Variants in VAT1L observed in about 807,000 individuals in gnomAD.
VAT1L encodes the protein putative NADPH-dependent quinone oxidoreductase VAT1L.
Under a neutral mutation model 44.1 loss-of-function variants are expected in VAT1L, and 34 were observed. The observed-to-expected ratio is 0.77, with a 90% CI of 0.59 to 1.03. The LOEUF (loss-of-function observed/expected upper bound fraction) is 1.03, where lower values mean the gene tolerates loss of function less well. VAT1L is among the 50% of genes least tolerant of loss of function. The pLI is 0.00. For missense variants in VAT1L, 615 were observed against 538.8 expected, an observed-to-expected ratio of 1.14 and a Z score of -1.40; for synonymous variants, 253 against 202.2, an observed-to-expected ratio of 1.25 and a Z score of -2.13.
intron 7 of VAT1L, among the ~76,000 whole-genome samples, chr16:77,969,861 G>T (rs1200924570): frequency 2.0e-5 from 3 of 151,854 alleles, no homozygotes; most frequent in Admixed American, 6.6e-5. Context: ...AAAATAAAAG[G>T]AATCTACTGA....
chr16:77,947,593 C>T (rs1348520899), intron 7 of VAT1L, among the ~76,000 whole-genome samples: 2 of 152,112 alleles, frequency 1.3e-5, no homozygotes, highest in Non-Finnish European at 2.9e-5. Context: ...CCCTCCTGCT[C>T]ACATAAGAGG....
chr16:77,925,836 T>G (rs1597101925), intron 7 of VAT1L, among the ~76,000 whole-genome samples: 1 of 151,866 alleles, frequency 6.6e-6, no homozygotes. Flanking sequence ...TTCCTTTAAT[T>G]CCCCCCACCT....
At chr16:77,831,425 T>C (rs1417670835) in intron 3 of VAT1L, among the ~76,000 whole-genome samples, 1 of 152,176 alleles carries the variant, frequency 6.6e-6, no homozygotes. Flanking sequence ...CCTGGCCAAA[T>C]ATTTGATGCA....
chr16:77,920,291 G>A (rs557962916), intron 7 of VAT1L, among the ~76,000 whole-genome samples: 4 of 152,184 alleles, frequency 2.6e-5, no homozygotes, highest in South Asian at 2.1e-4. Context: ...TGTGAGTTAC[G>A]AATGTTCAAA....
chr16:77,832,456 C>G (rs578196789), intron 3 of VAT1L, among the ~76,000 whole-genome samples: 1 of 152,126 alleles, frequency 6.6e-6, no homozygotes, highest in Non-Finnish European at 1.5e-5. Flanking sequence ...CTAGTCTGGT[C>G]CCAATTGCAA....
At chr16:77,965,032 C>A (rs369805043) in intron 7 of VAT1L, among the ~76,000 whole-genome samples, 138 of 152,108 alleles carry the variant, frequency 9.1e-4, no homozygotes, top group Non-Finnish European at 1.7e-3. Context: ...TCAGGTGATT[C>A]GCCCGCCTGG....
chr16:77,853,610 C>G (rs1383254839), intron 3 of VAT1L, among the ~76,000 whole-genome samples: 1 of 151,968 alleles, frequency 6.6e-6, no homozygotes, highest in African/African-American at 2.4e-5. Context: ...ATCAGAATCC[C>G]CTAGAGGGCC....
Position 77,939,758 on chromosome 16 carries a change from A to T in VAT1L, c.1078-32092A>T, listed in dbSNP as rs370972586. Among the ~76,000 whole-genome samples, 37 of 152,330 alleles carry T rather than the reference A, an allele frequency of 2.4e-4. 1 individual carries two copies. Among genetic ancestry groups the T allele is most frequent in the African/African-American group, 8.9e-4 (37 of 41,578 alleles). On this transcript the variant is annotated intron_variant, in intron 7 of 8. Coordinates refer to ENST00000302536, the MANE Select transcript of VAT1L (RefSeq NM_020927.3). Reference sequence around the variant, plus strand: ...ATTCCTGCACTCAATTTATTGTCTTATATCTTGAGGTTTATTTTTCCTAAT... The same window carrying T: ...ATTCCTGCACTCAATTTATTGTCTTTTATCTTGAGGTTTATTTTTCCTAAT...
chr16:77,964,672 G>A (rs986188622), intron 7 of VAT1L, among the ~76,000 whole-genome samples: 2 of 151,854 alleles, frequency 1.3e-5, no homozygotes, highest in Admixed American at 6.6e-5. Flanking sequence ...GGAGTGTGAG[G>A]TCATTCTGTC....
chr16:77,827,271 C>A (rs1428627890), intron 3 of VAT1L, among the ~76,000 whole-genome samples: 1 of 152,198 alleles, frequency 6.6e-6, no homozygotes, highest in African/African-American at 2.4e-5. Context: ...GTATTAGAGA[C>A]TTGTAGTCAT....
intron 4 of VAT1L, among the ~76,000 whole-genome samples, chr16:77,875,962 C>A (rs543630654): frequency 6.6e-6 from 1 of 152,228 alleles, no homozygotes; most frequent in Non-Finnish European, 1.5e-5. Context: ...TTGCTCTACA[C>A]ATAGGAGTTG....
chr16:77,965,630 T>G (rs1211990555), intron 7 of VAT1L, among the ~76,000 whole-genome samples: 1 of 152,144 alleles, frequency 6.6e-6, no homozygotes, highest in Non-Finnish European at 1.5e-5. Context: ...CAGCTGGCCG[T>G]GGCATCCCAG....
At chr16:77,878,704 C>T (rs1343286315) in intron 5 of VAT1L, among the ~76,000 whole-genome samples, 4 of 152,038 alleles carry the variant, frequency 2.6e-5, no homozygotes, top group African/African-American at 4.8e-5. Flanking sequence ...TTTTTCCAAT[C>T]CATCTATATT....
intron 1 of VAT1L, among the ~76,000 whole-genome samples, chr16:77,790,706 A>T (rs2015818806): frequency 6.6e-6 from 1 of 152,178 alleles, no homozygotes; most frequent in Admixed American, 6.5e-5. Flanking sequence ...CTTCATCCAA[A>T]TTGAGGATGG....
intron 3 of VAT1L, among the ~76,000 whole-genome samples, chr16:77,828,598 G>A (rs1403268086): frequency 6.6e-6 from 1 of 152,126 alleles, no homozygotes; most frequent in Non-Finnish European, 1.5e-5. Flanking sequence ...GGGAGGCAGA[G>A]GTTGCAGTGA....
chr16:77,874,073 G>C (rs994492190), intron 4 of VAT1L, among the ~76,000 whole-genome samples: 1 of 152,068 alleles, frequency 6.6e-6, no homozygotes, highest in Non-Finnish European at 1.5e-5. Flanking sequence ...AATGTGGCCC[G>C]CCAAGTAGAA....
chr16:77,939,754 T>A (rs2017855159), intron 7 of VAT1L, among the ~76,000 whole-genome samples: 1 of 152,196 alleles, frequency 6.6e-6, no homozygotes, highest in South Asian at 2.1e-4. Flanking sequence ...CAATTTATTG[T>A]CTTATATCTT....
At chr16:77,916,798 T>A (rs2142490335) in intron 7 of VAT1L, among the ~76,000 whole-genome samples, 1 of 127,554 alleles carries the variant, frequency 7.8e-6, no homozygotes, top group East Asian at 2.4e-4. Flanking sequence ...TGCGCTTTGC[T>A]CTTTTTTTTT....
chr16:77,942,501 G>C (rs1386143800), intron 7 of VAT1L, among the ~76,000 whole-genome samples: 1 of 152,126 alleles, frequency 6.6e-6, no homozygotes, highest in African/African-American at 2.4e-5. Context: ...TATATACACA[G>C]TAATGGGACT....
Sources: allele counts gnomAD v4.1 joint callset (sites outside exome capture counted in the v4.1 genomes callset), GRCh38; gene constraint gnomAD v4.1.1; transcripts MANE v1.5; gene names NCBI Gene and HGNC (gene_info 2026-07-23, HGNC 2026-07-21).